The following PCDHA12 variants were observed in gnomAD, a reference collection of about 807,000 sequenced individuals.
PCDHA12 encodes the protein protocadherin alpha 12, also known as protocadherin alpha-12.
PCDHA12 carries 44 observed loss-of-function variants against 60.0 expected under a neutral mutation model. The observed-to-expected ratio is 0.73, with a 90% confidence interval of 0.58 to 0.94. The LOEUF (loss-of-function observed/expected upper bound fraction) is 0.94. Ranked by LOEUF, PCDHA12 falls within the 40% of genes least tolerant of loss-of-function variation. The pLI is 0.00. For synonymous variants in PCDHA12, 569 were observed against 553.0 expected (o/e 1.03, Z -0.40); for missense variants, 1,276 against 1,239.7 (o/e 1.03, Z -0.44).
intron 1 of PCDHA12, among the ~76,000 whole-genome samples, chr5:140,880,869 G>C (rs1017640769): frequency 6.6e-6 from 1 of 152,064 alleles, no homozygotes. Context: ...TATGTGAAGA[G>C]GTAAATAAAG....
intron 1 of PCDHA12, among the ~76,000 whole-genome samples, chr5:140,939,679 T>A (rs2092435989): frequency 6.6e-6 from 1 of 152,196 alleles, no homozygotes; most frequent in South Asian, 2.1e-4. Context: ...TGTATGTATG[T>A]GTGTGTTGCT....
intron 1 of PCDHA12, chr5:140,929,479 A>G (rs2086187931): frequency 4.2e-6 from 5 of 1,193,216 alleles, no homozygotes; most frequent in Admixed American, 3.2e-5. Context: ...CTGGAAGTAT[A>G]GAAGTATTAG....
intron 1 of PCDHA12, chr5:140,967,281 C>G: frequency 2.5e-6 from 4 of 1,613,102 alleles, no homozygotes; most frequent in Non-Finnish European, 3.4e-6. Flanking sequence ...ATAGAGAGTG[C>G]GCAGGACCCC....
intron 1 of PCDHA12, chr5:140,927,033 G>A (rs2083768533): frequency 1.2e-6 from 2 of 1,612,344 alleles, no homozygotes; most frequent in Non-Finnish European, 1.7e-6. Flanking sequence ...GGCTGCCAGC[G>A]GCCGCTATGT....
At chr5:140,939,960 T>G (rs1216904868) in intron 1 of PCDHA12, among the ~76,000 whole-genome samples, 2 of 152,258 alleles carry the variant, frequency 1.3e-5, no homozygotes, top group African/African-American at 2.4e-5. Context: ...TATGTTAAAG[T>G]GTTCCACGAT....
intron 1 of PCDHA12, among the ~76,000 whole-genome samples, chr5:140,926,081 T>C (rs2153580512): frequency 6.6e-6 from 1 of 152,334 alleles, no homozygotes; most frequent in Admixed American, 6.5e-5. Flanking sequence ...TCTATTGCCC[T>C]CTTGGCAGCT....
In PCDHA12 at chr5:141,010,661, C is replaced by T. The variant is rs1331706826; in HGVS notation, c.*724C>T. ...AACAGTTCAGTGTTTTAACAGAGAA[C>T]CACCCTGGGAAACAGAAGCAGATCT... On this transcript the variant is annotated 3_prime_UTR_variant, in exon 4 of 4. Transcript: ENST00000398631. 6.0e-6 allele frequency: 1 copy of T among 166,290 alleles called. No homozygotes were observed. Among genetic ancestry groups the T allele is most frequent in the Non-Finnish European group, 1.3e-5 (1 of 76,066 alleles). 10.3% of individuals were successfully genotyped at this position (166,290 alleles called of 1,614,324 possible).
At position 140,876,683 on chromosome 5, in the gene PCDHA12, A is replaced by G. The variant is rs782371303; in HGVS notation, c.1211A>G (p.Tyr404Cys). ...PFKLVSTYKN[Y>C]YSLVLDSALD... is the part of the protein sequence containing the mutation. ...AAGCTGGTGTCCACCTACAAGAATT[A>G]CTACTCGTTGGTGCTGGACAGCGCC... Residue 404 changes from tyrosine (Y) to cysteine (C), a missense_variant, in exon 1 of 4, where the codon TAC (tyrosine) becomes TGC (cysteine). Coordinates refer to ENST00000398631, the MANE Select transcript of PCDHA12 (RefSeq NM_018903.4). 5 of 1,614,094 alleles carry G rather than the reference A, an allele frequency of 3.1e-6. No homozygotes were observed. In the South Asian group the frequency reaches 5.5e-5, roughly 18 times the overall value.
intron 1 of PCDHA12, among the ~76,000 whole-genome samples, chr5:140,898,621 C>T (rs1356286726): frequency 8.5e-5 from 13 of 152,312 alleles, no homozygotes; most frequent in African/African-American, 2.6e-4. Flanking sequence ...AGTCAGGTAG[C>T]ATAATGCCTC....
At chr5:140,998,585 A>C (rs1227951754) in intron 3 of PCDHA12, among the ~76,000 whole-genome samples, 1 of 148,644 alleles carries the variant, frequency 6.7e-6, no homozygotes, top group Non-Finnish European at 1.5e-5. Context: ...TTTTTTTGAG[A>C]CAGAGTTTTG....
chr5:140,931,086 A>G (rs2087290662), intron 1 of PCDHA12, among the ~76,000 whole-genome samples: 1 of 152,204 alleles, frequency 6.6e-6, no homozygotes, highest in Non-Finnish European at 1.5e-5. Context: ...CCAGTTCTAC[A>G]GATGACAAAG....
At chr5:140,959,751 T>C (rs553950058) in intron 1 of PCDHA12, among the ~76,000 whole-genome samples, 12 of 152,210 alleles carry the variant, frequency 7.9e-5, no homozygotes, top group Non-Finnish European at 1.8e-4. Flanking sequence ...CCTTAAAGTA[T>C]ATTTTAATAT....
At chr5:140,885,677 T>C (rs1554182236) in intron 1 of PCDHA12, among the ~76,000 whole-genome samples, 1 of 152,208 alleles carries the variant, frequency 6.6e-6, no homozygotes, top group African/African-American at 2.4e-5. Context: ...ACTCTTTCTA[T>C]CTCAAGAAGC....
chr5:141,005,535 C>T (rs1254351919), intron 3 of PCDHA12, among the ~76,000 whole-genome samples: 2 of 151,078 alleles, frequency 1.3e-5, no homozygotes, highest in Non-Finnish European at 2.9e-5. Flanking sequence ...AACCCCGTCT[C>T]TACTAAAAAT....
At chr5:140,930,169 A>G (rs1312219690) in intron 1 of PCDHA12, 1 of 152,184 alleles carries the variant, frequency 6.6e-6, no homozygotes, top group Non-Finnish European at 1.5e-5. Context: ...AATATTTTAC[A>G]AAGAGGAAAG....
At chr5:140,938,849 T>C (rs961236945) in intron 1 of PCDHA12, among the ~76,000 whole-genome samples, 1 of 152,102 alleles carries the variant, frequency 6.6e-6, no homozygotes, top group Admixed American at 6.6e-5. Flanking sequence ...CCTGCCCATG[T>C]ACCCCTGAAC....
rs782432614 is a variant in PCDHA12, at chr5:140,876,194, C to G, written c.722C>G (p.Ala241Gly). 38 of 1,613,742 alleles carry G rather than the reference C, an allele frequency of 2.4e-5. No individual in the cohort carries two copies. The highest frequency in any genetic ancestry group is 2.9e-5 in the Non-Finnish European group (34 of 1,179,894). The change falls in exon 1 of 4, where the codon GCG becomes GGG. Residue 241 changes from alanine to glycine, a missense_variant. Coordinates refer to ENST00000398631, the MANE Select transcript of PCDHA12 (RefSeq NM_018903.4). ...CTGGATGTGAATGACAATGGTCCGG[C>G]GTTTGATAAGCCCAGCTATAAAGTA... ...TVLDVNDNGP[A>G]FDKPSYKVVL... is the part of the protein sequence containing the mutation.
At chr5:140,899,443 G>A (rs1554188558) in intron 1 of PCDHA12, among the ~76,000 whole-genome samples, 4 of 152,210 alleles carry the variant, frequency 2.6e-5, no homozygotes, top group African/African-American at 9.7e-5. Context: ...CATCTATTGA[G>A]ATAATCATGT....
At chr5:140,880,068 A>G (rs2058226577) in intron 1 of PCDHA12, among the ~76,000 whole-genome samples, 1 of 152,252 alleles carries the variant, frequency 6.6e-6, no homozygotes, top group South Asian at 2.1e-4. Flanking sequence ...TTTGGGGACC[A>G]CAATTCAACC....
Sources: gnomAD v4.1 joint callset for allele counts (sites outside exome capture counted in the v4.1 genomes callset) on GRCh38, gnomAD v4.1.1 for gene constraint, MANE v1.5 for transcripts, NCBI Gene and HGNC (gene_info 2026-07-23, HGNC 2026-07-21) for gene names.